The following PARD3B variants were observed in gnomAD, a reference collection of about 807,000 sequenced individuals.
PARD3B encodes the protein partitioning defective 3 homolog B.
PARD3B carries 103 observed loss-of-function variants against 130.2 expected under a neutral mutation model. The ratio of observed to expected loss-of-function variants is 0.79; its 90% CI spans 0.67 to 0.93. PARD3B has a LOEUF of 0.93. Ranked by LOEUF, PARD3B falls within the 40% of genes least tolerant of loss-of-function variation. PARD3B has a pLI of 0.00. For missense variants in PARD3B, 1,609 were observed against 1,499.2 expected (o/e 1.07, Z -1.21); for synonymous variants, 583 against 553.2 (o/e 1.05, Z -0.76).
chr2:204,611,608 T>C (rs2033924995), intron 1 of PARD3B, among the ~76,000 whole-genome samples: 1 of 152,184 alleles, frequency 6.6e-6, no homozygotes, highest in Admixed American at 6.5e-5. Flanking sequence ...ACTTGCAGAC[T>C]TTTAGCATCA....
At position 205,253,511 on chromosome 2, in the gene PARD3B, C is replaced by T; in HGVS notation, c.2185+7689C>T. 1.8e-6 allele frequency: 1 copy of T among 550,954 alleles called. No homozygotes were observed. The allele number at this position is 550,954 out of a possible 1,614,324, so 34.1% of individuals were successfully genotyped here. A position where few individuals can be genotyped will look rare whatever the true frequency, so the allele number is the denominator to read the frequency against. On this transcript the variant is annotated intron_variant, in intron 16 of 22. Coordinates refer to ENST00000406610, the MANE Select transcript of PARD3B (RefSeq NM_001302769.2). This position sits in a 1 kb window ranked among gnomAD's most constrained non-coding sequence, Gnocchi z 4.4. ...CGGGCACTGGAAGTACCTGGGGAAG[C>T]AGGAGAGACTCACACTGCTGTCATG...
chr2:204,925,949 A>G (rs1285560069), intron 2 of PARD3B, among the ~76,000 whole-genome samples: 3 of 151,854 alleles, frequency 2.0e-5, no homozygotes, highest in Non-Finnish European at 2.9e-5. Flanking sequence ...CTGCCTCCAT[A>G]TTCCCCTTGC....
At chr2:204,996,548 T>A (rs1575510986) in intron 3 of PARD3B, among the ~76,000 whole-genome samples, 2 of 151,724 alleles carry the variant, frequency 1.3e-5, no homozygotes, top group South Asian at 4.2e-4. Flanking sequence ...GTCTGTGCCC[T>A]GCCCCCAGAG....
chr2:205,473,692 A>ATATG lies in PARD3B; in HGVS notation c.3045-26201_3045-26200insGTAT, dbSNP rs2048923839. On this transcript the variant is annotated intron_variant, in intron 20 of 22. Coordinates refer to ENST00000406610, the MANE Select transcript of PARD3B (RefSeq NM_001302769.2). The surrounding 1 kb of genome is among the most constrained non-coding windows in gnomAD (Gnocchi z 4.9). ...TGTGTGTGTGTGTGTATGTATATATATATATATATATATATATACACACAC... is the reference window on the plus strand; with the variant it reads ...TGTGTGTGTGTGTGTATGTATATATATATGTATATATATATATATATACACACAC... Among the ~76,000 whole-genome samples, 1 of 137,840 alleles carries ATATG rather than the reference A, an allele frequency of 7.3e-6. No homozygotes were observed. 90.4% of individuals were successfully genotyped at this position (137,840 alleles called of 152,430 possible). A position where few individuals can be genotyped will look rare whatever the true frequency, so the allele number is the denominator to read the frequency against.
chr2:205,075,129 C>A (rs1700961615), intron 4 of PARD3B, among the ~76,000 whole-genome samples: 1 of 152,108 alleles, frequency 6.6e-6, no homozygotes, highest in Non-Finnish European at 1.5e-5. Context: ...TTACTACTTA[C>A]AATTTGAAAT....
chr2:204,926,646 A>G (rs1216636460), intron 2 of PARD3B, among the ~76,000 whole-genome samples: 1 of 152,050 alleles, frequency 6.6e-6, no homozygotes, highest in South Asian at 2.1e-4. Flanking sequence ...TCGGAAGCAA[A>G]CTAGGTCTTC....
chr2:204,572,043 T>C (rs893496524), intron 1 of PARD3B, among the ~76,000 whole-genome samples: 1 of 152,192 alleles, frequency 6.6e-6, no homozygotes, highest in African/African-American at 2.4e-5. Context: ...GATCAGTCTT[T>C]GAGTAACTTT....
In PARD3B at chr2:204,545,957, G is replaced by C. The variant is rs572026380; in HGVS notation, c.-43G>C. ...AGTGGGGGCTGCGCCCGCGGGGTCA[G>C]ACACCTGTTCGGCCCGGCCCGGCGT... is the stretch of plus-strand genomic sequence containing the variant. On this transcript the variant is annotated 5_prime_UTR_variant, in exon 1 of 23. Coordinates refer to ENST00000406610, the MANE Select transcript of PARD3B (RefSeq NM_001302769.2). 2.0e-6 allele frequency: 3 copies of C among 1,518,162 alleles called. No individual in the cohort carries two copies. In the South Asian group the frequency reaches 3.8e-5, roughly 19 times the overall value. The allele number at this position is 1,518,162 out of a possible 1,614,324, so 94.0% of individuals were successfully genotyped here.
chr2:205,345,860 T>G (rs2043733790), intron 18 of PARD3B, among the ~76,000 whole-genome samples: 1 of 88,180 alleles, frequency 1.1e-5, no homozygotes, highest in African/African-American at 2.7e-5. Flanking sequence ...AAATGAAAAC[T>G]GCACATTTGA....
chr2:205,032,134 A>G (rs951551529), intron 3 of PARD3B, among the ~76,000 whole-genome samples: 2 of 152,146 alleles, frequency 1.3e-5, no homozygotes, highest in African/African-American at 4.8e-5. Flanking sequence ...TTGGATTTTG[A>G]TTCACATTGA....
intron 1 of PARD3B, among the ~76,000 whole-genome samples, chr2:204,609,133 C>T (rs964259058): frequency 1.4e-4 from 21 of 152,290 alleles, no homozygotes; most frequent in African/African-American, 4.1e-4. Flanking sequence ...TAGCCTTTCT[C>T]AGTAGATATT....
chr2:204,896,589 C>G (rs1294715896), intron 2 of PARD3B, among the ~76,000 whole-genome samples: 1 of 152,194 alleles, frequency 6.6e-6, no homozygotes, highest in African/African-American at 2.4e-5. Flanking sequence ...TCCCTTTATT[C>G]AGTTCCTGGA....
At position 205,478,409 on chromosome 2, in the gene PARD3B, A is replaced by C. The variant is rs141628974; in HGVS notation, c.3045-21487A>C. Among the ~76,000 whole-genome samples, 656 of 152,268 alleles carry C rather than the reference A, an allele frequency of 4.3e-3. 23 individuals carry two copies. Among genetic ancestry groups the C allele is most frequent in the Admixed American group, 0.039 (595 of 15,288 alleles). ...TAAATTAACCTAGAGCATCACATTG[A>C]GTGGGTTTTCATGGTTTTCTACATT... On this transcript the variant is annotated intron_variant, in intron 20 of 22. Transcript: ENST00000406610.
rs779738266 is a variant in PARD3B, at chr2:205,550,848, TTATATGTATATTTGTATGTA to T, written c.3181-2450_3181-2431del. ...TATATTTTATGTATATTTGAATATT[TTATATGTATATTTGTATGTA>T]TATATGTATATTTGTATGTATATAT... On this transcript the variant is annotated intron_variant, in intron 21 of 22. Coordinates refer to ENST00000406610, the MANE Select transcript of PARD3B (RefSeq NM_001302769.2). The surrounding 1 kb of genome is among the most constrained non-coding windows in gnomAD (Gnocchi z 4.5). 3.4e-3 allele frequency among the ~76,000 whole-genome samples: 509 copies of T among 148,652 alleles called. 7 individuals carry two copies. The highest frequency in any genetic ancestry group is 3.8e-3 in the Non-Finnish European group (257 of 67,372).
chr2:205,349,405 G>C (rs1273319895), intron 18 of PARD3B, among the ~76,000 whole-genome samples: 1 of 152,066 alleles, frequency 6.6e-6, no homozygotes, highest in Non-Finnish European at 1.5e-5. Flanking sequence ...AGCTCTCCTG[G>C]CATGAGATAG....
chr2:205,004,890 C>T (rs1695128032), intron 3 of PARD3B, among the ~76,000 whole-genome samples: 1 of 152,172 alleles, frequency 6.6e-6, no homozygotes, highest in African/African-American at 2.4e-5. Flanking sequence ...TCAGTATACT[C>T]TAGCAGTCCC....
chr2:204,691,886 A>AAT (rs1288278819), intron 2 of PARD3B, among the ~76,000 whole-genome samples: 1 of 152,142 alleles, frequency 6.6e-6, no homozygotes, highest in Non-Finnish European at 1.5e-5. Context: ...CATTTGGATT[A>AAT]ATATATTGTT....
intron 15 of PARD3B, 83 bp from the exon 16 acceptor site, chr2:205,245,695 T>A: frequency 1.8e-6 from 2 of 1,093,646 alleles, no homozygotes; most frequent in Non-Finnish European, 2.7e-6. Flanking sequence ...TAACTTATTA[T>A]GAATCTGCAT....
intron 1 of PARD3B, among the ~76,000 whole-genome samples, chr2:204,667,280 G>T (rs1298892502): frequency 1.3e-5 from 2 of 152,138 alleles, no homozygotes; most frequent in African/African-American, 2.4e-5. Context: ...CCTCTGCATA[G>T]AAATCACCCA....
Sources: allele counts gnomAD v4.1 joint callset (sites outside exome capture counted in the v4.1 genomes callset), GRCh38; gene constraint gnomAD v4.1.1; non-coding constraint Gnocchi (gnomAD v3.1); transcripts MANE v1.5; gene names NCBI Gene and HGNC (gene_info 2026-07-23, HGNC 2026-07-21).